BPIFB3: variants seen among roughly 807,000 people sequenced by gnomAD.
BPIFB3 encodes BPI fold containing family B member 3.
In BPIFB3, 49 loss-of-function variants were observed where a neutral mutation model predicts 53.1. That is an observed-to-expected ratio of 0.92 (90% confidence interval 0.73 to 1.17). The LOEUF (loss-of-function observed/expected upper bound fraction) is 1.17. Ranked by LOEUF, BPIFB3 falls within the 50% of genes most tolerant of loss-of-function variation. The pLI is 0.00. For missense variants in BPIFB3, 628 were observed against 592.5 expected, an observed-to-expected ratio of 1.06 and a Z score of -0.62; for synonymous variants, 271 against 269.6, an observed-to-expected ratio of 1.01 and a Z score of -0.05.
chr20:33,060,420 C>A (rs1196072372), intron 4 of BPIFB3, among the ~76,000 whole-genome samples: 1 of 152,172 alleles, frequency 6.6e-6, no homozygotes, highest in African/African-American at 2.4e-5. Flanking sequence ...AGACCCACTC[C>A]CTATCTCCCC....
rs1600541011 is a variant in BPIFB3, at chr20:33,064,553, G to A, written c.744+5G>A. On this transcript the variant is annotated splice_donor_5th_base_variant and intron_variant, in intron 7 of 14. Coordinates refer to ENST00000375494, the Ensembl canonical transcript of BPIFB3. The stretch of plus-strand genomic sequence containing the variant: ...TACATAGAACTGGACATCAACGTGA[G>A]TAACCAGAGGGGCCTCTCCTCCTGC... The A allele has an allele frequency of 6.2e-7, 1 of 1,613,798 alleles. No homozygotes were observed. Among genetic ancestry groups the A allele is most frequent in the Non-Finnish European group, 8.5e-7 (1 of 1,179,718 alleles).
chr20:33,069,103 C>G, intron 10 of BPIFB3, 130 bp downstream of exon 11: 1 of 1,032,596 alleles, frequency 9.7e-7, no homozygotes, highest in Non-Finnish European at 1.4e-6. Context: ...CACAGGAAGC[C>G]CCCCGCCCCA....
intron 11 of BPIFB3, 101 bp from the exon 13 acceptor site, chr20:33,071,152 T>G (rs1471013078): frequency 1.6e-6 from 2 of 1,220,434 alleles, no homozygotes; most frequent in Non-Finnish European, 2.3e-6. Context: ...GGGCTGGTAA[T>G]CCTGTTTCCT....
intron 9 of BPIFB3, among the ~76,000 whole-genome samples, chr20:33,068,486 G>A (rs1980754349): frequency 6.6e-6 from 1 of 152,246 alleles, no homozygotes; most frequent in African/African-American, 2.4e-5. Flanking sequence ...TCTGGAGGGA[G>A]AACGCAGGGC....
intron 12 of BPIFB3, 137 bp from the exon 14 acceptor site, chr20:33,071,967 C>T: frequency 1.2e-6 from 1 of 817,492 alleles, no homozygotes; most frequent in Admixed American, 2.0e-5. Context: ...CAGTGCCTGC[C>T]AGGAGCTGTG....
At chr20:33,068,841 G>C (rs1388218786) in exon 10 of BPIFB3, 3 of 1,613,892 alleles carry the variant, frequency 1.9e-6, no homozygotes, top group Admixed American at 1.7e-5. Flanking sequence ...AACTCCTACT[G>C]TTCCTGCGGG....
chr20:33,071,119 A>G (rs953296071), intron 11 of BPIFB3, 134 bp from the exon 13 acceptor site: 6 of 962,502 alleles, frequency 6.2e-6, no homozygotes, highest in Non-Finnish European at 9.1e-6. Flanking sequence ...CTCTGAGTCA[A>G]GGCTGGATAG....
chr20:33,060,534 C>T (rs1302675261), intron 4 of BPIFB3, among the ~76,000 whole-genome samples: 1 of 152,158 alleles, frequency 6.6e-6, no homozygotes, highest in Non-Finnish European at 1.5e-5. Flanking sequence ...AGGTGGCCCT[C>T]CCTACACCTT....
intron 2 of BPIFB3, among the ~76,000 whole-genome samples, chr20:33,058,121 G>A (rs554649816): frequency 6.6e-6 from 1 of 152,288 alleles, no homozygotes; most frequent in Non-Finnish European, 1.5e-5. Flanking sequence ...GTGGAAACCA[G>A]TCTATGGCTG....
chr20:33,065,223 T>A (rs1980621435), intron 8 of BPIFB3, among the ~76,000 whole-genome samples: 1 of 152,200 alleles, frequency 6.6e-6, no homozygotes, highest in South Asian at 2.1e-4. Context: ...TTCCACTGCT[T>A]TCTCAAGAGC....
Position 33,071,397 on chromosome 20 carries a change from C to T in BPIFB3, c.1260+102C>T, listed in dbSNP as rs937718148. ...GTCATGGGCCATATGACTGAGCTGA[C>T]CTCAGGACTGGGATCCTCCCCAATT... On this transcript the variant is annotated intron_variant, in intron 12 of 14. Coordinates refer to ENST00000375494, the Ensembl canonical transcript of BPIFB3. 9.7e-6 allele frequency: 13 copies of T among 1,334,054 alleles called. No homozygotes were observed. The African/African-American group carries it at 1.8e-4, about 18-fold the overall frequency. The allele number at this position is 1,334,054 out of a possible 1,614,324, so 82.6% of individuals were successfully genotyped here. A position where few individuals can be genotyped will look rare whatever the true frequency, so the allele number is the denominator to read the frequency against.
intron 6 of BPIFB3, among the ~76,000 whole-genome samples, chr20:33,064,103 G>T (rs941830541): frequency 1.3e-5 from 2 of 152,234 alleles, no homozygotes; most frequent in Non-Finnish European, 2.9e-5. Flanking sequence ...TTCACAAAAT[G>T]GGTTTGGGAA....
At chr20:33,068,947 C>T in exon 10 of BPIFB3, 1 of 1,613,754 alleles carries the variant, frequency 6.2e-7, no homozygotes, top group Non-Finnish European at 8.5e-7. Context: ...TAAGGGGACC[C>T]CTGAATCCCT....
intron 9 of BPIFB3, 131 bp from the exon 11 acceptor site, chr20:33,068,672 G>C: frequency 6.4e-6 from 6 of 940,198 alleles, no homozygotes; most frequent in Non-Finnish European, 9.5e-6. Flanking sequence ...GCCCAGGCCT[G>C]TGTCTTTCAG....
intron 8 of BPIFB3, among the ~76,000 whole-genome samples, chr20:33,066,483 C>A (rs1022103377): frequency 2.0e-5 from 3 of 152,220 alleles, no homozygotes; most frequent in Admixed American, 2.0e-4. Flanking sequence ...AGTTAGCCTG[C>A]CCAGGTTCAA....
At chr20:33,070,033 C>T (rs547294647) in intron 11 of BPIFB3, 78 bp downstream of exon 12, 3 of 1,519,866 alleles carry the variant, frequency 2.0e-6, no homozygotes, top group Non-Finnish European at 2.7e-6. Context: ...ATCCGCCTCC[C>T]GTTTCTTGAG....
At chr20:33,062,236 A>G (rs1980490219) in intron 5 of BPIFB3, among the ~76,000 whole-genome samples, 1 of 152,194 alleles carries the variant, frequency 6.6e-6, no homozygotes, top group Admixed American at 6.5e-5. Flanking sequence ...ATACATCACA[A>G]TTAAACATAT....
At chr20:33,064,294 A>C (rs1010066784) in intron 6 of BPIFB3, among the ~76,000 whole-genome samples, 163 bp from the exon 8 acceptor site, 6 of 152,172 alleles carry the variant, frequency 3.9e-5, no homozygotes, top group Non-Finnish European at 8.8e-5. Flanking sequence ...CCCCTGTCTA[A>C]GCCTCAATTT....
intron 5 of BPIFB3, 117 bp from the exon 7 acceptor site, chr20:33,063,498 C>T (rs968461251): frequency 2.1e-5 from 23 of 1,102,104 alleles, no homozygotes; most frequent in East Asian, 2.0e-4. Context: ...CTCTGCCTTC[C>T]GCCTTGCCTT....
Sources: gnomAD v4.1 joint callset for allele counts (sites outside exome capture counted in the v4.1 genomes callset) on GRCh38, gnomAD v4.1.1 for gene constraint, MANE v1.5 for transcripts, NCBI Gene and HGNC (gene_info 2026-07-23, HGNC 2026-07-21) for gene names.